The following VTCN1 variants were observed in gnomAD, a reference collection of about 807,000 sequenced individuals.
The protein encoded by VTCN1 is V-set domain containing T cell activation inhibitor 1.
A neutral mutation model predicts 26.5 loss-of-function variants in VTCN1; 26 were observed. That is an observed-to-expected ratio of 0.98 (90% CI 0.72 to 1.36). The LOEUF (loss-of-function observed/expected upper bound fraction) is 1.36. Among genes scored for constraint, VTCN1 ranks in the 40% most tolerant of loss-of-function variants. The pLI is 0.00. For missense variants in VTCN1, 298 were observed against 337.7 expected, an observed-to-expected ratio of 0.88 and a Z score of 0.92; for synonymous variants, 116 against 130.7, an observed-to-expected ratio of 0.89 and a Z score of 0.77.
At chr1:117,154,279 C>G (rs1651952578) in intron 3 of VTCN1, among the ~76,000 whole-genome samples, 1 of 152,150 alleles carries the variant, frequency 6.6e-6, no homozygotes, top group South Asian at 2.1e-4. Flanking sequence ...AGGGTATATT[C>G]TGTGCCAGTA....
Position 117,159,162 on chromosome 1 carries a change from G to A in VTCN1, c.98-2241C>T, listed in dbSNP as rs565367541. Among the ~76,000 whole-genome samples, 2 of 152,196 alleles carry A rather than the reference G, an allele frequency of 1.3e-5. No homozygotes were observed. The highest frequency in any genetic ancestry group is 4.8e-5 in the African/African-American group (2 of 41,530). ...TCCAAAGTTGCTTCCACATTTTTGG[G>A]TATCTTTTCAGCAGTGCCCCACTCT... On this transcript the variant is annotated intron_variant, in intron 2 of 5. Coordinates refer to ENST00000369458, the MANE Select transcript of VTCN1 (RefSeq NM_024626.4). The surrounding 1 kb of genome is among the most constrained non-coding windows in gnomAD (Gnocchi z 4.7).
chr1:117,173,155 G>C (rs1387451978), intron 1 of VTCN1: 1 of 715,514 alleles, frequency 1.4e-6, no homozygotes, highest in Middle Eastern at 2.7e-4. Flanking sequence ...AACAACTCCG[G>C]ACGCGCCACC....
chr1:117,191,345 G>A (rs1461562111), intron 1 of VTCN1, among the ~76,000 whole-genome samples: 2 of 152,174 alleles, frequency 1.3e-5, no homozygotes, highest in Admixed American at 6.5e-5. Context: ...AGAGAAAGGG[G>A]AAAACATACT....
intron 2 of VTCN1, among the ~76,000 whole-genome samples, chr1:117,162,518 A>G (rs1652418302): frequency 6.6e-6 from 1 of 152,150 alleles, no homozygotes; most frequent in Non-Finnish European, 1.5e-5. Flanking sequence ...TCAAAGGACA[A>G]AAGGACCCCA....
chr1:117,166,957 G>A (rs1181204413), intron 2 of VTCN1, among the ~76,000 whole-genome samples: 1 of 151,932 alleles, frequency 6.6e-6, no homozygotes, highest in Non-Finnish European at 1.5e-5. Context: ...GCCAGGTGTG[G>A]TGGTGCACGT....
At position 117,167,134 on chromosome 1, in the gene VTCN1, A is replaced by G. The variant is rs959630040; in HGVS notation, c.97+2973T>C. ...ATATATGTATGTAAACATAAAATGT[A>G]TATATACATACATGACATTATATGC... On this transcript the variant is annotated intron_variant, in intron 2 of 5. Transcript: ENST00000369458. This position sits in a 1 kb window ranked among gnomAD's most constrained non-coding sequence, Gnocchi z 4.1. Among the ~76,000 whole-genome samples the G allele has an allele frequency of 6.6e-5, 10 of 152,092 alleles. No homozygotes were observed. The highest frequency in any genetic ancestry group is 2.4e-4 in the African/African-American group (10 of 41,408).
At chr1:117,198,553 A>G (rs1045992917) in intron 1 of VTCN1, among the ~76,000 whole-genome samples, 6 of 152,188 alleles carry the variant, frequency 3.9e-5, no homozygotes, top group Non-Finnish European at 8.8e-5. Flanking sequence ...AATTCTGGCT[A>G]CGTGTGCCTT....
intron 1 of VTCN1, chr1:117,170,436 G>T: frequency 1.9e-6 from 1 of 522,246 alleles, no homozygotes; most frequent in Non-Finnish European, 3.7e-6. Flanking sequence ...TTCCAGATCA[G>T]GGAAGACCAT....
intron 1 of VTCN1, among the ~76,000 whole-genome samples, chr1:117,199,352 G>A (rs1300098579): frequency 6.6e-6 from 1 of 152,048 alleles, no homozygotes; most frequent in Non-Finnish European, 1.5e-5. Flanking sequence ...TTGAGACTGA[G>A]TCTCACTCTG....
chr1:117,204,021 C>T (rs1557880001), intron 1 of VTCN1, among the ~76,000 whole-genome samples: 1 of 152,174 alleles, frequency 6.6e-6, no homozygotes, highest in African/African-American at 2.4e-5. Flanking sequence ...TTTCCCGCAC[C>T]TCACAGAACA....
chr1:117,180,402 TC>T (rs765160391), intron 1 of VTCN1, among the ~76,000 whole-genome samples: 1 of 152,180 alleles, frequency 6.6e-6, no homozygotes, highest in Non-Finnish European at 1.5e-5. Flanking sequence ...TGATTACCAG[TC>T]CTTTTCGTAA....
In VTCN1 at chr1:117,153,206, A is replaced by G; in HGVS notation, c.609T>C (p.Ser203=). 1 of 1,614,056 alleles carries G rather than the reference A, an allele frequency of 6.2e-7. No individual in the cohort carries two copies. The highest frequency in any genetic ancestry group is 8.5e-7 in the Non-Finnish European group (1 of 1,179,924). ...EVSNTSFELN[S]ENVTMKVVSV... ...ACACAACCTTCATGGTCACATTCTC[A>G]GAGTTCAGCTCAAAGCTGGTATTGG... is the stretch of plus-strand genomic sequence containing the variant. The change falls in exon 4 of 6, where the codon TCT becomes TCC. Residue 203 remains serine (S), a synonymous_variant. Transcript: ENST00000369458.
intron 1 of VTCN1, among the ~76,000 whole-genome samples, chr1:117,205,445 G>A (rs948537747): frequency 6.6e-6 from 1 of 152,100 alleles, no homozygotes; most frequent in Non-Finnish European, 1.5e-5. Context: ...TTACAGGTGT[G>A]AGCCACCATG....
In VTCN1 at chr1:117,190,916, C is replaced by A. The variant is rs529761085; in HGVS notation, c.32+19908G>T. ...AAGAAACTAGTAAAATTTCAGCAACCAACCCAAAATATGAAAGTCTATTAA... is the reference window on the plus strand; with the variant it reads ...AAGAAACTAGTAAAATTTCAGCAACAAACCCAAAATATGAAAGTCTATTAA... On this transcript the variant is annotated intron_variant, in intron 1 of 5. Coordinates refer to ENST00000369458, the MANE Select transcript of VTCN1 (RefSeq NM_024626.4). 3.3e-5 allele frequency among the ~76,000 whole-genome samples: 5 copies of A among 152,240 alleles called. No homozygotes were observed. The South Asian group carries it at 1.0e-3, about 32-fold the overall frequency.
chr1:117,179,027 T>TG (rs1313748049), intron 1 of VTCN1, among the ~76,000 whole-genome samples: 3 of 152,222 alleles, frequency 2.0e-5, no homozygotes, highest in Non-Finnish European at 4.4e-5. Context: ...AGCAATGTAG[T>TG]GGCGGTACAA....
intron 1 of VTCN1, chr1:117,173,396 A>G (rs1653030339): frequency 2.4e-6 from 1 of 411,054 alleles, no homozygotes; most frequent in South Asian, 4.9e-5. Flanking sequence ...ACACAACACC[A>G]TGTAAAGATG....
At chr1:117,197,031 G>A (rs1180430092) in intron 1 of VTCN1, among the ~76,000 whole-genome samples, 1 of 152,166 alleles carries the variant, frequency 6.6e-6, no homozygotes, top group Non-Finnish European at 1.5e-5. Flanking sequence ...GTAGAAAATT[G>A]TGAAGCTAGC....
At position 117,167,032 on chromosome 1, in the gene VTCN1, G is replaced by T. The variant is rs1011448809; in HGVS notation, c.97+3075C>A. Among the ~76,000 whole-genome samples the T allele has an allele frequency of 6.6e-6, 1 of 150,996 alleles. No homozygotes were observed. Among genetic ancestry groups the T allele is most frequent in the African/African-American group, 2.5e-5 (1 of 40,800 alleles). On this transcript the variant is annotated intron_variant, in intron 2 of 5. Coordinates refer to ENST00000369458, the MANE Select transcript of VTCN1 (RefSeq NM_024626.4). The surrounding 1 kb of genome is among the most constrained non-coding windows in gnomAD (Gnocchi z 4.1). ...AACCTGAAGCTGGGAGGCAGAGGCTGCAGTGAGCCGAGATTATGCCACTGT... is the reference window on the plus strand; with the variant it reads ...AACCTGAAGCTGGGAGGCAGAGGCTTCAGTGAGCCGAGATTATGCCACTGT...
chr1:117,156,920 C>T lies in VTCN1; in HGVS notation c.99G>A (p.Gly33=). 6.2e-7 allele frequency: 1 copy of T among 1,613,972 alleles called. No individual in the cohort carries two copies. The highest frequency in any genetic ancestry group is 8.5e-7 in the Non-Finnish European group (1 of 1,180,002). The change falls in exon 3 of 6, where the codon GGG becomes GGA. Residue 33 remains glycine, a splice_region_variant and synonymous_variant. Coordinates refer to ENST00000369458, the MANE Select transcript of VTCN1 (RefSeq NM_024626.4). The part of the protein sequence containing the change: ...IALIIGFGIS[G]RHSITVTTVA... ...CAGTAGTGACTGTGATGGAGTGTCT[C>T]CCTGCAGTTCAGGAAGCAAAGATCA...
Sources: allele counts gnomAD v4.1 joint callset (sites outside exome capture counted in the v4.1 genomes callset), GRCh38; gene constraint gnomAD v4.1.1; non-coding constraint Gnocchi (gnomAD v3.1); transcripts MANE v1.5; gene names NCBI Gene and HGNC (gene_info 2026-07-23, HGNC 2026-07-21).